Variants in IGFL2 observed in about 807,000 individuals in gnomAD.
The protein encoded by IGFL2 is IGF like family member 2.
In IGFL2, 7 loss-of-function variants were observed where a neutral mutation model predicts 13.9. The observed-to-expected ratio is 0.51, with a 90% CI of 0.29 to 0.95. IGFL2 has a LOEUF of 0.95. IGFL2 is among the 40% of genes least tolerant of loss of function. The probability of loss-of-function intolerance (pLI) is 0.08; values close to 1 mark genes in which losing one functional copy is unlikely to be tolerated. For synonymous variants in IGFL2, 55 were observed against 55.8 expected, an observed-to-expected ratio of 0.99 and a Z score of 0.07; for missense variants, 138 against 147.8, an observed-to-expected ratio of 0.93 and a Z score of 0.34.
chr19:46,192,571 C>G, the IGFL2 span, among the ~76,000 whole-genome samples: 1 of 151,878 alleles, frequency 6.6e-6, no homozygotes, highest in Non-Finnish European at 1.5e-5. Flanking sequence ...AGGTGCCCAC[C>G]ACCATGCCGG....
chr19:46,192,131 CAGG>C, the IGFL2 span, among the ~76,000 whole-genome samples: 2 of 152,162 alleles, frequency 1.3e-5, no homozygotes, highest in Non-Finnish European at 1.5e-5. Flanking sequence ...AGCACACCCA[CAGG>C]GACACAACAG....
At position 46,160,467 on chromosome 19, in the gene IGFL2, C is replaced by T. The variant is rs748334261; in HGVS notation, c.72C>T (p.Ile24=). 2.7e-5 allele frequency: 44 copies of T among 1,613,718 alleles called. No homozygotes were observed. The highest frequency in any genetic ancestry group is 1.3e-4 in the African/African-American group (10 of 75,026). Residue 24 remains isoleucine, a splice_region_variant and synonymous_variant, in exon 2 of 4, where the codon ATC becomes ATT. Coordinates refer to ENST00000377693, the MANE Select transcript of IGFL2 (RefSeq NM_001135113.2). ...TCCTCTTGTGTCCAAGGGAAGTCATCGGTGAGTACAAGGATGGGCAAGAGT... is the reference window on the plus strand; with the variant it reads ...TCCTCTTGTGTCCAAGGGAAGTCATTGGTGAGTACAAGGATGGGCAAGAGT... The part of the protein sequence containing the change: ...CLLLLCPREV[I]APAGSEPWLC...
chr19:46,094,815 T>A, the IGFL2 span, among the ~76,000 whole-genome samples: 2 of 152,234 alleles, frequency 1.3e-5, no homozygotes, highest in African/African-American at 4.8e-5. Context: ...TTGCTGAGGA[T>A]AATGGCTTCC....
At chr19:46,140,013 G>T (rs546705397), upstream of IGFL2, among the ~76,000 whole-genome samples, 1 of 152,120 alleles carries the variant, frequency 6.6e-6, no homozygotes, top group East Asian at 1.9e-4. Context: ...GCAGTGACAT[G>T]ATCTCAGCTC....
chr19:46,125,516 C>T, the IGFL2 span, among the ~76,000 whole-genome samples: 2 of 152,302 alleles, frequency 1.3e-5, no homozygotes, highest in South Asian at 2.1e-4. Context: ...GTGGAAAGGA[C>T]CTCAGTCTTC....
At chr19:46,079,495 A>G in the IGFL2 span, among the ~76,000 whole-genome samples, 1 of 152,090 alleles carries the variant, frequency 6.6e-6, no homozygotes, top group Non-Finnish European at 1.5e-5. Context: ...GCACCCCTAT[A>G]GCCCGAATGA....
chr19:46,088,283 A>G, the IGFL2 span, among the ~76,000 whole-genome samples: 1 of 152,208 alleles, frequency 6.6e-6, no homozygotes, highest in Non-Finnish European at 1.5e-5. Flanking sequence ...GCTGTGTTAA[A>G]GTCTTTCCTT....
chr19:46,078,756 T>C, the IGFL2 span, among the ~76,000 whole-genome samples: 1 of 152,280 alleles, frequency 6.6e-6, no homozygotes, highest in Non-Finnish European at 1.5e-5. Flanking sequence ...CAACACTAGA[T>C]GGCAGTAGGA....
the IGFL2 span, chr19:46,204,973 G>T: frequency 6.8e-6 from 1 of 147,924 alleles, no homozygotes; most frequent in Non-Finnish European, 1.5e-5. Context: ...TTTTAGTATA[G>T]ACGGGATTTT....
the IGFL2 span, chr19:46,207,001 C>T: frequency 6.6e-6 from 1 of 152,234 alleles, no homozygotes; most frequent in African/African-American, 2.4e-5. Flanking sequence ...AGCAGAAGGA[C>T]ACACGGATTT....
the IGFL2 span, chr19:46,197,127 T>C: frequency 4.4e-6 from 1 of 225,356 alleles, no homozygotes; most frequent in Non-Finnish European, 9.4e-6. Flanking sequence ...AATGCCATCC[T>C]GCCCTCGGAT....
At chr19:46,144,483 T>C (rs1416960167), upstream of IGFL2, among the ~76,000 whole-genome samples, 4 of 152,202 alleles carry the variant, frequency 2.6e-5, no homozygotes, top group Non-Finnish European at 5.9e-5. Context: ...CCATATCTCA[T>C]ATCATATCAT....
chr19:46,178,616 C>T, the IGFL2 span, among the ~76,000 whole-genome samples: 1 of 152,200 alleles, frequency 6.6e-6, no homozygotes, highest in African/African-American at 2.4e-5. Flanking sequence ...CTTGAGATTT[C>T]ATCTACATAA....
the IGFL2 span, among the ~76,000 whole-genome samples, chr19:46,088,763 C>T: frequency 2.0e-5 from 3 of 152,156 alleles, no homozygotes; most frequent in African/African-American, 7.2e-5. Flanking sequence ...ATCTAGAGCT[C>T]TTCTGGAGTG....
the IGFL2 span, among the ~76,000 whole-genome samples, chr19:46,178,745 C>T: frequency 6.6e-6 from 1 of 152,086 alleles, no homozygotes; most frequent in African/African-American, 2.4e-5. Flanking sequence ...TGAATCCACC[C>T]ATAAGCCCCC....
chr19:46,167,097 T>C, the IGFL2 span, among the ~76,000 whole-genome samples: 1 of 152,226 alleles, frequency 6.6e-6, no homozygotes, highest in Non-Finnish European at 1.5e-5. Flanking sequence ...TGTTTAGAGA[T>C]TGCAGTGAAG....
chr19:46,159,607 C>T (rs1211174724), intron 1 of IGFL2: 1 of 152,210 alleles, frequency 6.6e-6, no homozygotes, highest in Non-Finnish European at 1.5e-5. Context: ...TTTCACCTGC[C>T]TGTACATGCT....
chr19:46,134,887 A>G, the IGFL2 span, among the ~76,000 whole-genome samples: 1 of 152,196 alleles, frequency 6.6e-6, no homozygotes, highest in African/African-American at 2.4e-5. Context: ...GATGAAGCCA[A>G]GCCCTGACTC....
At chr19:46,211,105 A>C in the IGFL2 span, among the ~76,000 whole-genome samples, 1 of 152,218 alleles carries the variant, frequency 6.6e-6, no homozygotes, top group African/African-American at 2.4e-5. Flanking sequence ...TGGCACCTGA[A>C]TCTTGAGTCT....
Sources: gnomAD v4.1 joint callset for allele counts (sites outside exome capture counted in the v4.1 genomes callset) on GRCh38, gnomAD v4.1.1 for gene constraint, MANE v1.5 for transcripts, NCBI Gene and HGNC (gene_info 2026-07-23, HGNC 2026-07-21) for gene names.